The following FGGY variants were observed in gnomAD, a reference collection of about 807,000 sequenced individuals.
FGGY encodes the protein FGGY carbohydrate kinase domain-containing protein.
A neutral mutation model predicts 71.3 loss-of-function variants in FGGY; 72 were observed. That is an observed-to-expected ratio of 1.01 (90% CI 0.84 to 1.23). FGGY has a LOEUF of 1.23. Among genes scored for constraint, FGGY ranks in the 50% most tolerant of loss-of-function variants. The pLI, the probability that FGGY is intolerant of heterozygous loss-of-function variation, is 0.00. For missense variants in FGGY, 668 were observed against 682.3 expected (o/e 0.98, Z 0.23); for synonymous variants, 251 against 250.3 (o/e 1.00, Z -0.02).
At chr1:59,520,919 C>T (rs1445413841) in intron 7 of FGGY, among the ~76,000 whole-genome samples, 8 of 151,524 alleles carry the variant, frequency 5.3e-5, no homozygotes, top group East Asian at 3.9e-4. Context: ...AGAGCAGAAC[C>T]GTGCTGCGCA....
At chr1:59,575,940 A>G (rs1357875057) in intron 8 of FGGY, among the ~76,000 whole-genome samples, 2 of 152,172 alleles carry the variant, frequency 1.3e-5, no homozygotes, top group Non-Finnish European at 2.9e-5. Flanking sequence ...AGAGGACAGT[A>G]TGAGCTATAT....
intron 12 of FGGY, among the ~76,000 whole-genome samples, chr1:59,666,848 C>G (rs1016864921): frequency 6.6e-6 from 1 of 152,098 alleles, no homozygotes; most frequent in Non-Finnish European, 1.5e-5. Context: ...AAGGAAAAAG[C>G]CTTTAGTTCC....
intron 14 of FGGY, among the ~76,000 whole-genome samples, chr1:59,715,888 T>C (rs540635848): frequency 1.3e-5 from 2 of 152,334 alleles, no homozygotes; most frequent in East Asian, 1.9e-4. Flanking sequence ...TAAAGTTATA[T>C]TGAGACACAA....
chr1:59,467,361 T>TG (rs2092697116), intron 6 of FGGY, among the ~76,000 whole-genome samples: 1 of 151,020 alleles, frequency 6.6e-6, no homozygotes, highest in South Asian at 2.1e-4. Context: ...GGTGGGGGAA[T>TG]GGGGGAGGGA....
intron 5 of FGGY, among the ~76,000 whole-genome samples, chr1:59,452,992 A>C (rs183478642): frequency 2.6e-5 from 4 of 152,198 alleles, no homozygotes; most frequent in African/African-American, 9.7e-5. Context: ...GTCTTAATAG[A>C]AGACTCCCGG....
chr1:59,500,332 G>A (rs895844700), intron 6 of FGGY, among the ~76,000 whole-genome samples: 6 of 152,020 alleles, frequency 3.9e-5, no homozygotes, highest in South Asian at 4.1e-4. Flanking sequence ...TTTATGGTAC[G>A]TTTGTCATTC....
At chr1:59,497,798 G>A (rs912093909) in intron 6 of FGGY, among the ~76,000 whole-genome samples, 5 of 152,196 alleles carry the variant, frequency 3.3e-5, no homozygotes, top group African/African-American at 9.7e-5. Context: ...CTTCCTGGAA[G>A]TGTGGATTTC....
chr1:59,504,594 G>A (rs2094329961), intron 6 of FGGY, among the ~76,000 whole-genome samples: 1 of 152,232 alleles, frequency 6.6e-6, no homozygotes, highest in Non-Finnish European at 1.5e-5. Flanking sequence ...CTTCTATGTG[G>A]ATGATTGCTG....
At chr1:59,607,043 C>T (rs901394318) in intron 8 of FGGY, among the ~76,000 whole-genome samples, 1 of 152,170 alleles carries the variant, frequency 6.6e-6, no homozygotes, top group Non-Finnish European at 1.5e-5. Context: ...TTATTATAGT[C>T]CCCCAAATGC....
At chr1:59,428,442 A>G (rs924415515) in intron 5 of FGGY, among the ~76,000 whole-genome samples, 1 of 152,214 alleles carries the variant, frequency 6.6e-6, no homozygotes, top group East Asian at 1.9e-4. Flanking sequence ...ACTACTTCCC[A>G]GTTGGAGAAT....
chr1:59,443,817 T>A (rs532621877), intron 5 of FGGY, among the ~76,000 whole-genome samples: 1 of 152,204 alleles, frequency 6.6e-6, no homozygotes, highest in Non-Finnish European at 1.5e-5. Context: ...GAAATAGTTA[T>A]GATTGGGAAT....
intron 5 of FGGY, among the ~76,000 whole-genome samples, chr1:59,383,019 T>G (rs2059656246): frequency 6.6e-6 from 1 of 152,174 alleles, no homozygotes; most frequent in South Asian, 2.1e-4. Flanking sequence ...TTACCGGCTT[T>G]GATTTTGCCA....
chr1:59,627,916 G>A (rs897924464), intron 10 of FGGY, among the ~76,000 whole-genome samples: 7 of 152,260 alleles, frequency 4.6e-5, no homozygotes, highest in East Asian at 1.9e-4. Context: ...AAACGAGGAC[G>A]AAATGACAGG....
chr1:59,720,728 G>A (rs754510409), intron 14 of FGGY, among the ~76,000 whole-genome samples: 50 of 152,270 alleles, frequency 3.3e-4, no homozygotes, highest in South Asian at 2.5e-3. Flanking sequence ...GCCTGGGGGA[G>A]GGAGGTATAT....
intron 8 of FGGY, among the ~76,000 whole-genome samples, chr1:59,599,839 G>A (rs1217483714): frequency 6.6e-6 from 1 of 152,090 alleles, no homozygotes; most frequent in Non-Finnish European, 1.5e-5. Flanking sequence ...TAAGTCTGAG[G>A]CCTAGCTTAT....
chr1:59,440,514 A>C (rs2069572184), intron 5 of FGGY, among the ~76,000 whole-genome samples: 1 of 151,880 alleles, frequency 6.6e-6, no homozygotes, highest in Admixed American at 6.6e-5. Flanking sequence ...TAGTCTTCCT[A>C]TGCAAAAATA....
intron 7 of FGGY, among the ~76,000 whole-genome samples, chr1:59,516,695 A>T (rs948424131): frequency 6.6e-5 from 10 of 152,134 alleles, no homozygotes; most frequent in Non-Finnish European, 5.9e-5. Flanking sequence ...GAGATTTCTG[A>T]ATGTCAAGTA....
intron 13 of FGGY, among the ~76,000 whole-genome samples, chr1:59,671,397 A>G (rs2097375807): frequency 6.6e-6 from 1 of 152,182 alleles, no homozygotes; most frequent in South Asian, 2.1e-4. Flanking sequence ...GGGTGAGGGT[A>G]GGGAGCAGGC....
At chr1:59,694,462 T>A (rs1259180857) in intron 14 of FGGY, among the ~76,000 whole-genome samples, 2 of 152,046 alleles carry the variant, frequency 1.3e-5, no homozygotes, top group East Asian at 3.8e-4. Flanking sequence ...CTACATAGCC[T>A]TTTTTGTCAT....
Sources: allele counts gnomAD v4.1 joint callset (sites outside exome capture counted in the v4.1 genomes callset), GRCh38; gene constraint gnomAD v4.1.1; transcripts MANE v1.5; gene names NCBI Gene and HGNC (gene_info 2026-07-23, HGNC 2026-07-21).